RELN: variants seen among roughly 807,000 people sequenced by gnomAD.
RELN encodes reelin.
A neutral mutation model predicts 427.6 loss-of-function variants in RELN; 108 were observed. That is an observed-to-expected ratio of 0.25 (90% CI 0.22 to 0.30). The LOEUF (loss-of-function observed/expected upper bound fraction) is 0.30. Ranked by LOEUF, RELN falls within the 10% of genes least tolerant of loss-of-function variation. The probability of loss-of-function intolerance (pLI) is 1.00; values close to 1 mark genes in which losing one functional copy is unlikely to be tolerated. For synonymous variants in RELN, 1,524 were observed against 1,513.4 expected, an observed-to-expected ratio of 1.01 and a Z score of -0.16; for missense variants, 3,715 against 4,302.8, an observed-to-expected ratio of 0.86 and a Z score of 3.82.
chr7:103,960,443 T>TC (rs1796526493), intron 1 of RELN, among the ~76,000 whole-genome samples: 1 of 152,166 alleles, frequency 6.6e-6, no homozygotes, highest in African/African-American at 2.4e-5. Context: ...ACATTCCCTA[T>TC]CCTCCTTCCC....
Position 103,551,309 on chromosome 7 carries a change from G to GA in RELN, c.6073-14dup. 1.9e-6 allele frequency: 3 copies of GA among 1,586,596 alleles called. No homozygotes were observed. The highest frequency in any genetic ancestry group is 1.1e-5 in the South Asian group (1 of 89,878). On this transcript the variant is annotated splice_polypyrimidine_tract_variant and intron_variant, in intron 40 of 64. Coordinates refer to ENST00000428762, the MANE Select transcript of RELN (RefSeq NM_005045.4). Reference sequence around the variant, plus strand: ...AGCCAACGTTGATCTTGGGGATGAAGAAAAAAATGATACAAATTACCTCAG... The same window carrying GA: ...AGCCAACGTTGATCTTGGGGATGAAGAAAAAAAATGATACAAATTACCTCAG...
chr7:103,950,492 A>G (rs898953628), intron 1 of RELN, among the ~76,000 whole-genome samples: 2 of 152,232 alleles, frequency 1.3e-5, no homozygotes, highest in Non-Finnish European at 2.9e-5. Flanking sequence ...AAGGCATATA[A>G]AACACTAAAC....
intron 11 of RELN, among the ~76,000 whole-genome samples, chr7:103,666,992 T>C (rs1328313036): frequency 6.6e-6 from 1 of 152,240 alleles, no homozygotes; most frequent in Non-Finnish European, 1.5e-5. Context: ...GTTCAGTCCA[T>C]CCTGAACTGC....
At chr7:103,832,445 A>C (rs1472491783) in intron 3 of RELN, among the ~76,000 whole-genome samples, 1 of 152,166 alleles carries the variant, frequency 6.6e-6, no homozygotes, top group Non-Finnish European at 1.5e-5. Context: ...AAAAACTGAA[A>C]AACAATTCTT....
intron 51 of RELN, among the ~76,000 whole-genome samples, chr7:103,505,022 CTCCTCTCT>C (rs1829161126): frequency 6.6e-6 from 1 of 152,154 alleles, no homozygotes; most frequent in Admixed American, 6.5e-5. Flanking sequence ...CTCTAGATTC[CTCCTCTCT>C]GGGCAGGGCA....
At position 103,642,018 on chromosome 7, in the gene RELN, G is replaced by A. The variant is rs187051867; in HGVS notation, c.2003-1409C>T. 4.4e-4 allele frequency among the ~76,000 whole-genome samples: 67 copies of A among 152,170 alleles called. 1 individual carries two copies. Among genetic ancestry groups the A allele is most frequent in the African/African-American group, 1.5e-3 (61 of 41,538 alleles). On this transcript the variant is annotated intron_variant, in intron 16 of 64. Transcript: ENST00000428762. The stretch of plus-strand genomic sequence containing the variant: ...AAGAATTTTATTGTCATCTCTTCCT[G>A]CTAATTATGAAGCCATTAGGACTCA...
intron 3 of RELN, among the ~76,000 whole-genome samples, chr7:103,810,574 G>A (rs1049315980): frequency 6.6e-6 from 1 of 152,160 alleles, no homozygotes; most frequent in Non-Finnish European, 1.5e-5. Flanking sequence ...GCAGGCCAGT[G>A]ACAAGGCGCG....
chr7:103,682,762 C>T (rs1833682752), intron 10 of RELN, among the ~76,000 whole-genome samples: 1 of 152,112 alleles, frequency 6.6e-6, no homozygotes, highest in African/African-American at 2.4e-5. Flanking sequence ...CAAAGTAAAC[C>T]CAGATATAAT....
At chr7:103,961,557 G>A (rs961206) in intron 1 of RELN, among the ~76,000 whole-genome samples, 32,420 of 152,118 alleles carry the variant, frequency 0.21, 3,829 homozygotes, top group African/African-American at 0.32. Flanking sequence ...AGAGCAAAGC[G>A]TATACAAACA....
In RELN at chr7:103,785,341, C is replaced by T. The variant is rs542538707; in HGVS notation, c.474-8714G>A. ...GGCAAGAACAAAACTGGAAAAATGG[C>T]ATGTCAATTCCAAAGAAAATCCTAG... On this transcript the variant is annotated intron_variant, in intron 3 of 64. Transcript: ENST00000428762. Among the ~76,000 whole-genome samples the T allele has an allele frequency of 2.0e-5, 3 of 152,230 alleles. No individual in the cohort carries two copies. In the East Asian group the frequency reaches 5.8e-4, roughly 29 times the overall value.
Position 103,620,644 on chromosome 7 carries a change from C to T in RELN, c.2703-8841G>A, listed in dbSNP as rs9656083. 0.74 allele frequency among the ~76,000 whole-genome samples: 112,315 copies of T among 151,812 alleles called. 42,160 individuals carry two copies. Among genetic ancestry groups the T allele is most frequent in the African/African-American group, 0.86 (35,815 of 41,414 alleles). ...GTGCACCACTACACCCAGCTAATTT[C>T]TGTATTTTTAGTAGAGATGAGGTTC... is the stretch of plus-strand genomic sequence containing the variant. On this transcript the variant is annotated intron_variant, in intron 20 of 64. Transcript: ENST00000428762. The surrounding 1 kb of genome is among the most constrained non-coding windows in gnomAD (Gnocchi z 4.1).
chr7:103,603,625 T>C lies in RELN; in HGVS notation c.3147-135A>G. 1.4e-6 allele frequency: 1 copy of C among 735,342 alleles called. No homozygotes were observed. Among genetic ancestry groups the C allele is most frequent in the Non-Finnish European group, 2.4e-6 (1 of 408,980 alleles). The allele number at this position is 735,342 out of a possible 1,614,324, so 45.6% of individuals were successfully genotyped here. A position where few individuals can be genotyped will look rare whatever the true frequency, so the allele number is the denominator to read the frequency against. On this transcript the variant is annotated intron_variant, in intron 23 of 64. Transcript: ENST00000428762. The surrounding 1 kb of genome is among the most constrained non-coding windows in gnomAD (Gnocchi z 4.3). ...CACACTAGATTCTTCCCTACAGTGT[T>C]AATCTGGGTATGCGGTAGTAACAAC...
chr7:103,839,302 G>GTTTTTTTTTTTTTTTTT (rs1793492405), intron 2 of RELN, among the ~76,000 whole-genome samples: 3 of 75,048 alleles, frequency 4.0e-5, no homozygotes, highest in African/African-American at 1.5e-4. Flanking sequence ...AGTGGTCTTT[G>GTTTTTTTTTTTTTTTTT]CTTTTTTTTT....
At chr7:103,833,334 G>C (rs1248705205) in intron 3 of RELN, among the ~76,000 whole-genome samples, 1 of 151,974 alleles carries the variant, frequency 6.6e-6, no homozygotes, top group African/African-American at 2.4e-5. Context: ...TAGACCTTTG[G>C]AGGTACATAT....
intron 10 of RELN, among the ~76,000 whole-genome samples, chr7:103,693,897 T>C (rs1028765512): frequency 4.6e-5 from 7 of 152,150 alleles, no homozygotes; most frequent in African/African-American, 1.7e-4. Context: ...AAACACCTCC[T>C]GCCTTCATAA....
intron 6 of RELN, among the ~76,000 whole-genome samples, chr7:103,734,337 T>C (rs909926556): frequency 6.6e-6 from 1 of 151,362 alleles, no homozygotes; most frequent in Admixed American, 6.6e-5. Context: ...CTCTGCCTAA[T>C]AGTAAAAGTA....
At position 103,977,259 on chromosome 7, in the gene RELN, C is replaced by T. The variant is rs891606314; in HGVS notation, c.226+11872G>A. 2.8e-5 allele frequency among the ~76,000 whole-genome samples: 4 copies of T among 140,380 alleles called. No homozygotes were observed. The East Asian group carries it at 8.5e-4, about 30-fold the overall frequency. The allele number at this position is 140,380 out of a possible 152,430, so 92.1% of individuals were successfully genotyped here. ...CCAGGAGGTGGAGGTTGCAGTGAGC[C>T]GAGATCACGCCACTGCACTCCAGCC... On this transcript the variant is annotated intron_variant, in intron 1 of 64. Transcript: ENST00000428762.
chr7:103,957,119 C>A (rs966706293), intron 1 of RELN, among the ~76,000 whole-genome samples: 2 of 152,158 alleles, frequency 1.3e-5, no homozygotes, highest in Non-Finnish European at 1.5e-5. Flanking sequence ...GCCTTGGCTT[C>A]ATCAAGCCAT....
At chr7:103,751,426 C>T (rs1181058098) in intron 5 of RELN, among the ~76,000 whole-genome samples, 2 of 152,172 alleles carry the variant, frequency 1.3e-5, no homozygotes, top group East Asian at 3.8e-4. Context: ...CAGGCAAGCA[C>T]GTAATGAAGT....
Sources: gnomAD v4.1 joint callset for allele counts (sites outside exome capture counted in the v4.1 genomes callset) on GRCh38, gnomAD v4.1.1 for gene constraint, Gnocchi (gnomAD v3.1) non-coding constraint, MANE v1.5 for transcripts, NCBI Gene and HGNC (gene_info 2026-07-23, HGNC 2026-07-21) for gene names.